ABCA13: variants seen among roughly 807,000 people sequenced by gnomAD.
ABCA13 encodes the protein ATP binding cassette subfamily A member 13, also known as ATP-binding cassette sub-family A member 13.
Under a neutral mutation model 478.7 loss-of-function variants are expected in ABCA13, and 476 were observed. The ratio of observed to expected loss-of-function variants is 0.99; its 90% CI spans 0.92 to 1.07. The LOEUF (loss-of-function observed/expected upper bound fraction) is 1.07, where lower values mean the gene tolerates loss of function less well. Among genes scored for constraint, ABCA13 ranks in the 50% least tolerant of loss-of-function variants. The pLI, the probability that ABCA13 is intolerant of heterozygous loss-of-function variation, is 0.00. For missense variants in ABCA13, 6,060 were observed against 5,910.6 expected (o/e 1.03, Z -0.83); for synonymous variants, 2,252 against 2,158.9 (o/e 1.04, Z -1.20).
At position 48,244,723 on chromosome 7, in the gene ABCA13, A is replaced by G; in HGVS notation, c.1390+20A>G. 1 of 1,576,204 alleles carries G rather than the reference A, an allele frequency of 6.3e-7. No homozygotes were observed. On this transcript the variant is annotated intron_variant, in intron 11 of 61. Coordinates refer to ENST00000435803, the MANE Select transcript of ABCA13 (RefSeq NM_152701.5). ...TCCAAGGTAAGCTAGCTTTGGTGTT[A>G]TTTGTCCCTGACTCACTAAGAGTAA... is the stretch of plus-strand genomic sequence containing the variant.
At chr7:48,639,011 G>A (rs1041619486) in intron 59 of ABCA13, among the ~76,000 whole-genome samples, 1 of 152,076 alleles carries the variant, frequency 6.6e-6, no homozygotes, top group Non-Finnish European at 1.5e-5. Context: ...GATCCACCTC[G>A]CTTCTGTAAA....
At chr7:48,268,841 C>G in intron 15 of ABCA13, 139 bp from the exon 16 acceptor site, 1 of 548,146 alleles carries the variant, frequency 1.8e-6, no homozygotes, top group Non-Finnish European at 3.2e-6. Flanking sequence ...TTAGAAGATT[C>G]CTACTCATCT....
At chr7:48,500,950 G>C (rs1830688768) in intron 48 of ABCA13, among the ~76,000 whole-genome samples, 1 of 152,132 alleles carries the variant, frequency 6.6e-6, no homozygotes, top group Non-Finnish European at 1.5e-5. Context: ...AGACTGCTGC[G>C]GCATAATGGG....
chr7:48,544,147 A>C (rs899037708), intron 55 of ABCA13, among the ~76,000 whole-genome samples: 7 of 151,744 alleles, frequency 4.6e-5, no homozygotes, highest in Non-Finnish European at 7.4e-5. Context: ...GATAAGAATT[A>C]TCTAAAACGA....
At chr7:48,575,864 C>G (rs1042768919) in intron 55 of ABCA13, among the ~76,000 whole-genome samples, 1 of 152,010 alleles carries the variant, frequency 6.6e-6, no homozygotes, top group Non-Finnish European at 1.5e-5. Flanking sequence ...ACTGCTACCC[C>G]AGTACTAGAG....
Position 48,240,904 on chromosome 7 carries a change from A to G in ABCA13, c.1100A>G (p.Lys367Arg). ...VQWQQGSLLQ[K>R]TLTGMGHSLE... ...TGGCAACAGGGTAGCCTGCTTCAGA[A>G]GACACTCACAGGCATGGGCCATAGT... Residue 367 changes from lysine (K) to arginine (R), a missense_variant, in exon 10 of 62, where the codon AAG becomes AGG. By Grantham distance (26) the Lys-to-Arg change is conservative. Coordinates refer to ENST00000435803, the MANE Select transcript of ABCA13 (RefSeq NM_152701.5). 6.3e-7 allele frequency: 1 copy of G among 1,596,204 alleles called. No homozygotes were observed.
At chr7:48,381,938 C>T (rs535119309) in intron 35 of ABCA13, among the ~76,000 whole-genome samples, 68 of 152,320 alleles carry the variant, frequency 4.5e-4, no homozygotes, top group African/African-American at 1.5e-3. Context: ...AAGAGCTGAG[C>T]GGCTTCCACG....
At chr7:48,616,421 T>C (rs1792574809) in intron 59 of ABCA13, among the ~76,000 whole-genome samples, 1 of 152,212 alleles carries the variant, frequency 6.6e-6, no homozygotes, top group Non-Finnish European at 1.5e-5. Context: ...TTTCATGGTC[T>C]CCAACCTTTA....
chr7:48,233,371 T>G (rs1789454766), intron 7 of ABCA13, among the ~76,000 whole-genome samples: 1 of 152,214 alleles, frequency 6.6e-6, no homozygotes, highest in Admixed American at 6.5e-5. Flanking sequence ...TGTTTGCAGT[T>G]GCTGAGGCAT....
At chr7:48,555,948 A>G (rs1331229562) in intron 55 of ABCA13, among the ~76,000 whole-genome samples, 2 of 151,670 alleles carry the variant, frequency 1.3e-5, no homozygotes, top group Admixed American at 6.6e-5. Flanking sequence ...ATTTATAGCT[A>G]TAAATTTTCT....
intron 1 of ABCA13, among the ~76,000 whole-genome samples, chr7:48,176,765 A>C (rs948074358): frequency 2.6e-5 from 4 of 152,184 alleles, no homozygotes; most frequent in African/African-American, 9.7e-5. Context: ...GGGGCTAGGT[A>C]GGGAGCTTTC....
chr7:48,297,377 T>G, intron 22 of ABCA13, 66 bp downstream of exon 22: 2 of 1,396,080 alleles, frequency 1.4e-6, no homozygotes, highest in Non-Finnish European at 2.0e-6. Context: ...GCAAATATAT[T>G]ATTAAAATAA....
chr7:48,340,769 G>A (rs748121558), intron 29 of ABCA13, among the ~76,000 whole-genome samples: 6 of 152,106 alleles, frequency 3.9e-5, no homozygotes, highest in South Asian at 2.1e-4. Context: ...TTTTGAATAA[G>A]TTTTCCTATT....
intron 58 of ABCA13, among the ~76,000 whole-genome samples, chr7:48,600,364 A>T (rs945040910): frequency 6.6e-6 from 1 of 150,660 alleles, no homozygotes; most frequent in Admixed American, 6.6e-5. Flanking sequence ...TTTTTTTCCC[A>T]ATCTGACAAT....
At chr7:48,517,261 G>A (rs1397160117) in intron 52 of ABCA13, among the ~76,000 whole-genome samples, 1 of 152,006 alleles carries the variant, frequency 6.6e-6, no homozygotes, top group Non-Finnish European at 1.5e-5. Context: ...CCATCGTTTG[G>A]GTCAGACACT....
At chr7:48,391,051 G>A (rs1404001824) in intron 37 of ABCA13, among the ~76,000 whole-genome samples, 1 of 152,166 alleles carries the variant, frequency 6.6e-6, no homozygotes, top group Non-Finnish European at 1.5e-5. Context: ...CCTGAAACAA[G>A]GAAGCAGAAC....
chr7:48,594,458 G>A (rs185653405), intron 57 of ABCA13, among the ~76,000 whole-genome samples: 2 of 151,764 alleles, frequency 1.3e-5, no homozygotes, highest in Non-Finnish European at 2.9e-5. Context: ...TCTGGATGAG[G>A]TGAGAAAGAA....
Position 48,392,048 on chromosome 7 carries a change from G to T in ABCA13, c.11782G>T (p.Asp3928Tyr). Residue 3928 changes from aspartate to tyrosine, a missense_variant, in exon 38 of 62, where the codon GAC (aspartate) becomes TAC (tyrosine). Physicochemically the swap from Asp to Tyr is radical, Grantham distance 160. Transcript: ENST00000435803. ...GTGTCCGCAGCAGGACATCCTGTTGGACAACCTCACCGTCCGGGAACATTT... is the reference window on the plus strand; with the variant it reads ...GTGTCCGCAGCAGGACATCCTGTTGTACAACCTCACCGTCCGGGAACATTT... ...GVCPQQDILLDNLTVREHLLL... is the reference protein window; with the variant it reads ...GVCPQQDILLYNLTVREHLLL... 6.2e-7 allele frequency: 1 copy of T among 1,613,950 alleles called. No individual in the cohort carries two copies. Among genetic ancestry groups the T allele is most frequent in the South Asian group, 1.1e-5 (1 of 91,074 alleles).
intron 44 of ABCA13, among the ~76,000 whole-genome samples, chr7:48,468,023 G>A (rs1311889795): frequency 6.6e-6 from 1 of 152,006 alleles, no homozygotes; most frequent in Non-Finnish European, 1.5e-5. Flanking sequence ...GAATACACAG[G>A]GTGTAAAATA....
Sources: allele counts gnomAD v4.1 joint callset (sites outside exome capture counted in the v4.1 genomes callset), GRCh38; gene constraint gnomAD v4.1.1; transcripts MANE v1.5; gene names NCBI Gene and HGNC (gene_info 2026-07-23, HGNC 2026-07-21).